CTTNBP2: variants seen among roughly 807,000 people sequenced by gnomAD.
CTTNBP2 encodes the protein cortactin binding protein 2.
In CTTNBP2, 108 loss-of-function variants were observed where a neutral mutation model predicts 156.9. The ratio of observed to expected loss-of-function variants is 0.69; its 90% CI spans 0.59 to 0.81. The LOEUF (loss-of-function observed/expected upper bound fraction) is 0.81, where lower values mean the gene tolerates loss of function less well. Ranked by LOEUF, CTTNBP2 falls within the 30% of genes least tolerant of loss-of-function variation. The pLI, the probability that CTTNBP2 is intolerant of heterozygous loss-of-function variation, is 0.00. For missense variants in CTTNBP2, 1,924 were observed against 2,035.4 expected, an observed-to-expected ratio of 0.95 and a Z score of 1.05; for synonymous variants, 767 against 751.8, an observed-to-expected ratio of 1.02 and a Z score of -0.33.
intron 7 of CTTNBP2, among the ~76,000 whole-genome samples, chr7:117,778,102 A>G (rs963062790): frequency 6.6e-6 from 1 of 152,220 alleles, no homozygotes; most frequent in African/African-American, 2.4e-5. Context: ...AAGAGAATGA[A>G]CTTTAGCTTA....
chr7:117,839,273 G>A (rs1188894129), intron 2 of CTTNBP2, among the ~76,000 whole-genome samples: 1 of 152,132 alleles, frequency 6.6e-6, no homozygotes, highest in Non-Finnish European at 1.5e-5. Context: ...ATTGAATCCT[G>A]ACAATCATGT....
intron 2 of CTTNBP2, among the ~76,000 whole-genome samples, chr7:117,836,546 G>A (rs568457671): frequency 2.6e-5 from 4 of 152,322 alleles, no homozygotes; most frequent in Admixed American, 1.3e-4. Flanking sequence ...CTGGGCGACA[G>A]AGCGAGACTC....
chr7:117,786,430 AAAAC>A (rs149142354), intron 4 of CTTNBP2: 31,280 of 441,806 alleles, frequency 0.071, 1,794 homozygotes, highest in African/African-American at 0.21. Flanking sequence ...TATTTTCTTA[AAAAC>A]AAACAAACAA....
intron 17 of CTTNBP2, 127 bp from the exon 18 acceptor site, chr7:117,725,384 T>C: frequency 1.2e-6 from 1 of 809,426 alleles, no homozygotes; most frequent in Non-Finnish European, 2.0e-6. Context: ...TATGCTACCT[T>C]TCCCAGGTAG....
rs567112296 is a variant in CTTNBP2 at position 117,871,083 on chromosome 7, T to C, written c.81+2252A>G. On this transcript the variant is annotated intron_variant, in intron 1 of 22. Coordinates refer to ENST00000160373, the MANE Select transcript of CTTNBP2 (RefSeq NM_033427.3). The stretch of plus-strand genomic sequence containing the variant: ...AATGTATACATAAAAATGCACGATA[T>C]GTAAACCAATTTGAAAGTCAACAAA... 1.6e-4 allele frequency among the ~76,000 whole-genome samples: 25 copies of C among 152,332 alleles called. 1 individual carries two copies. Among genetic ancestry groups the C allele is most frequent in the Middle Eastern group, 6.8e-3 (2 of 294 alleles).
rs59036381 is a variant in CTTNBP2, at chr7:117,817,361, AATATAT to A, written c.190-6378_190-6373del. 1.8e-3 allele frequency among the ~76,000 whole-genome samples: 98 copies of A among 53,296 alleles called. 1 individual carries two copies. Among genetic ancestry groups the A allele is most frequent in the African/African-American group, 6.9e-3 (92 of 13,398 alleles). 35.0% of individuals were successfully genotyped at this position (53,296 alleles called of 152,430 possible). On this transcript the variant is annotated intron_variant, in intron 2 of 22. Coordinates refer to ENST00000160373, the MANE Select transcript of CTTNBP2 (RefSeq NM_033427.3). ...AAAAAAAAAAAAAAAAAAAAAAAAA[AATATAT>A]ATATATATATATATATATATAATTT...
intron 9 of CTTNBP2, among the ~76,000 whole-genome samples, chr7:117,763,970 T>C (rs1362960835): frequency 6.6e-6 from 1 of 152,130 alleles, no homozygotes; most frequent in African/African-American, 2.4e-5. Context: ...GGGGTTTCTC[T>C]GGGCTTGGCC....
At chr7:117,727,874 A>G (rs1795181638) in intron 17 of CTTNBP2, among the ~76,000 whole-genome samples, 1 of 152,186 alleles carries the variant, frequency 6.6e-6, no homozygotes, top group African/African-American at 2.4e-5. Context: ...ATTTTCTAAT[A>G]GAGGAAAAAC....
chr7:117,869,384 GCTT>G (rs1023434130), intron 1 of CTTNBP2, among the ~76,000 whole-genome samples: 1 of 152,084 alleles, frequency 6.6e-6, no homozygotes, highest in African/African-American at 2.4e-5. Flanking sequence ...TTCTTGGTGA[GCTT>G]CTTTTCATTT....
chr7:117,711,494 T>G lies in CTTNBP2; in HGVS notation c.*43A>C, dbSNP rs775828703. 1 of 1,568,254 alleles carries G rather than the reference T, an allele frequency of 6.4e-7. No individual in the cohort carries two copies. The highest frequency in any genetic ancestry group is 1.2e-5 in the South Asian group (1 of 82,794). On this transcript the variant is annotated 3_prime_UTR_variant, in exon 23 of 23. Coordinates refer to ENST00000160373, the MANE Select transcript of CTTNBP2 (RefSeq NM_033427.3). ...TGTATCTTGTTGTCCTTGGTTTCTG[T>G]GTGAAATAGAGGAAGTTAATAATGA...
At chr7:117,742,874 C>A (rs949069010) in intron 14 of CTTNBP2, among the ~76,000 whole-genome samples, 2 of 152,236 alleles carry the variant, frequency 1.3e-5, no homozygotes, top group Non-Finnish European at 2.9e-5. Context: ...CGACACTGGA[C>A]CTACAATTCT....
intron 2 of CTTNBP2, among the ~76,000 whole-genome samples, chr7:117,855,464 T>A (rs1162787724): frequency 6.6e-6 from 1 of 152,112 alleles, no homozygotes; most frequent in Non-Finnish European, 1.5e-5. Flanking sequence ...TAGTATTACC[T>A]CCTTAAAACA....
intron 22 of CTTNBP2, among the ~76,000 whole-genome samples, chr7:117,715,491 A>G (rs1368801955): frequency 6.6e-6 from 1 of 151,490 alleles, no homozygotes; most frequent in Admixed American, 6.6e-5. Flanking sequence ...AAAAAAAAAA[A>G]AAGAAGCCTC....
intron 2 of CTTNBP2, among the ~76,000 whole-genome samples, chr7:117,851,783 C>T (rs909436712): frequency 1.1e-4 from 16 of 152,302 alleles, no homozygotes; most frequent in African/African-American, 3.8e-4. Context: ...GCCAAGCAGA[C>T]ATGATGGAAG....
At chr7:117,806,004 C>A (rs1308869157) in intron 3 of CTTNBP2, among the ~76,000 whole-genome samples, 2 of 152,142 alleles carry the variant, frequency 1.3e-5, no homozygotes, top group Non-Finnish European at 2.9e-5. Context: ...TAAAAAGGAA[C>A]CACAGTATAC....
chr7:117,844,571 G>A (rs1288410585), intron 2 of CTTNBP2, among the ~76,000 whole-genome samples: 2 of 152,166 alleles, frequency 1.3e-5, no homozygotes, highest in Non-Finnish European at 2.9e-5. Flanking sequence ...GGACAAAAAG[G>A]AATTGCAGTC....
intron 12 of CTTNBP2, among the ~76,000 whole-genome samples, chr7:117,753,366 G>A (rs971650678): frequency 2.0e-5 from 3 of 152,070 alleles, no homozygotes; most frequent in African/African-American, 7.2e-5. Context: ...TCTTTCTAGA[G>A]GCAGAAATAT....
intron 8 of CTTNBP2, among the ~76,000 whole-genome samples, chr7:117,776,670 A>C (rs149597506): frequency 6.6e-6 from 1 of 152,324 alleles, no homozygotes; most frequent in East Asian, 1.9e-4. Flanking sequence ...AGAATGGGCC[A>C]TGCCTGAGCC....
chr7:117,833,297 T>G (rs930723125), intron 2 of CTTNBP2, among the ~76,000 whole-genome samples: 2 of 152,224 alleles, frequency 1.3e-5, no homozygotes, highest in African/African-American at 4.8e-5. Context: ...GCCTCCTGAC[T>G]GATCCTGGTG....
Sources: allele counts gnomAD v4.1 joint callset (sites outside exome capture counted in the v4.1 genomes callset), GRCh38; gene constraint gnomAD v4.1.1; transcripts MANE v1.5; gene names NCBI Gene and HGNC (gene_info 2026-07-23, HGNC 2026-07-21).